Variants in TBC1D19 observed in about 807,000 individuals in gnomAD.
TBC1D19 encodes TBC1 domain family member 19, also known as TBC1 domain family, member 19.
A neutral mutation model predicts 89.0 loss-of-function variants in TBC1D19; 60 were observed. That is an observed-to-expected ratio of 0.67 (90% CI 0.55 to 0.84). The LOEUF (loss-of-function observed/expected upper bound fraction) is 0.84, where lower values mean the gene tolerates loss of function less well. Among genes scored for constraint, TBC1D19 ranks in the 40% least tolerant of loss-of-function variants. TBC1D19 has a pLI of 0.00. For missense variants in TBC1D19, 500 were observed against 610.8 expected, an observed-to-expected ratio of 0.82 and a Z score of 1.91; for synonymous variants, 189 against 199.7, an observed-to-expected ratio of 0.95 and a Z score of 0.45.
the TBC1D19 span, among the ~76,000 whole-genome samples, chr4:26,850,969 T>C: frequency 1.3e-5 from 2 of 152,154 alleles, no homozygotes; most frequent in Non-Finnish European, 2.9e-5. Flanking sequence ...ACCATCCAAT[T>C]GCTTAGGGGC....
In TBC1D19 at chr4:26,594,786, C is replaced by T. The variant is rs369991607; in HGVS notation, c.99+10494C>T. On this transcript the variant is annotated intron_variant, in intron 1 of 20. Coordinates refer to ENST00000264866, the MANE Select transcript of TBC1D19 (RefSeq NM_018317.4). ...GGTGCACCTAAATAATAAATATCCT[C>T]CTCAACCCCTCGGTCTCTCTGATTC... 3.0e-4 allele frequency among the ~76,000 whole-genome samples: 46 copies of T among 152,290 alleles called. No individual in the cohort carries two copies. In the East Asian group the frequency reaches 7.9e-3, roughly 26 times the overall value.
chr4:26,703,061 T>C (rs777730909), intron 13 of TBC1D19, among the ~76,000 whole-genome samples: 5 of 152,226 alleles, frequency 3.3e-5, no homozygotes, highest in Non-Finnish European at 7.3e-5. Flanking sequence ...AATATTCCAT[T>C]GTATTGTATA....
chr4:26,610,369 C>T (rs1054387050), intron 1 of TBC1D19, among the ~76,000 whole-genome samples: 19 of 151,504 alleles, frequency 1.3e-4, no homozygotes, highest in Admixed American at 5.3e-4. Flanking sequence ...CAAACCCCTC[C>T]GTTTCTGATA....
chr4:26,688,150 A>C (rs1713979493), intron 12 of TBC1D19, among the ~76,000 whole-genome samples, 195 bp from the exon 13 acceptor site: 1 of 152,190 alleles, frequency 6.6e-6, no homozygotes, highest in Non-Finnish European at 1.5e-5. Flanking sequence ...AAAAAGTATG[A>C]GGAATTCGAG....
At chr4:26,801,096 G>C in the TBC1D19 span, among the ~76,000 whole-genome samples, 1 of 152,170 alleles carries the variant, frequency 6.6e-6, no homozygotes, top group Non-Finnish European at 1.5e-5. Flanking sequence ...CCTATGTCCT[G>C]AATGGCATTG....
chr4:26,754,856 T>C lies in TBC1D19; in HGVS notation c.1507-17T>C. 2 of 1,576,408 alleles carry C rather than the reference T, an allele frequency of 1.3e-6. No individual in the cohort carries two copies. The highest frequency in any genetic ancestry group is 1.7e-6 in the Non-Finnish European group (2 of 1,167,106). ...CTTCGCTTTGCTATTAATAATTCTT[T>C]TTATTTTTTGTTTCAGGCAGTTCTT... On this transcript the variant is annotated splice_polypyrimidine_tract_variant and intron_variant, in intron 20 of 20. Transcript: ENST00000264866.
the TBC1D19 span, among the ~76,000 whole-genome samples, chr4:26,845,723 C>A: frequency 6.6e-6 from 1 of 152,216 alleles, no homozygotes; most frequent in East Asian, 1.9e-4. Context: ...GCCTCACAAT[C>A]ATGGCAGAAG....
At chr4:26,641,290 G>A (rs575498806) in intron 7 of TBC1D19, among the ~76,000 whole-genome samples, 82 of 152,344 alleles carry the variant, frequency 5.4e-4, no homozygotes, top group Non-Finnish European at 7.6e-4. Flanking sequence ...AACAGCATCT[G>A]GAGTGGACCT....
chr4:26,665,976 G>A (rs976994499), intron 8 of TBC1D19, among the ~76,000 whole-genome samples: 1 of 151,816 alleles, frequency 6.6e-6, no homozygotes, highest in African/African-American at 2.4e-5. Flanking sequence ...GGAAAAATTA[G>A]GAGAAAGAAA....
intron 4 of TBC1D19, among the ~76,000 whole-genome samples, chr4:26,629,737 A>G (rs1742680314): frequency 6.6e-6 from 1 of 152,184 alleles, no homozygotes; most frequent in Non-Finnish European, 1.5e-5. Context: ...ATAGGCATCA[A>G]AAATGTCCAT....
At chr4:26,838,211 T>A in the TBC1D19 span, among the ~76,000 whole-genome samples, 1 of 152,152 alleles carries the variant, frequency 6.6e-6, no homozygotes, top group Non-Finnish European at 1.5e-5. Context: ...ACCACCTGCA[T>A]CTGAGTGTAG....
chr4:26,712,637 A>G (rs565532454), intron 13 of TBC1D19, among the ~76,000 whole-genome samples: 1 of 152,272 alleles, frequency 6.6e-6, no homozygotes, highest in East Asian at 1.9e-4. Context: ...TAGGTAATTT[A>G]TAAAGAAAAG....
chr4:26,780,945 C>T, the TBC1D19 span, among the ~76,000 whole-genome samples: 1 of 152,182 alleles, frequency 6.6e-6, no homozygotes, highest in East Asian at 1.9e-4. Flanking sequence ...CACAGGCCCT[C>T]CGGCAGCCTT....
At chr4:26,647,120 G>T (rs371534780) in intron 7 of TBC1D19, among the ~76,000 whole-genome samples, 163 of 152,212 alleles carry the variant, frequency 1.1e-3, no homozygotes, top group African/African-American at 3.6e-3. Flanking sequence ...ATTTGAAAGA[G>T]ATTTTAAGGA....
chr4:26,797,115 T>C, the TBC1D19 span, among the ~76,000 whole-genome samples: 1 of 152,186 alleles, frequency 6.6e-6, no homozygotes, highest in Admixed American at 6.5e-5. Context: ...GATGACATGA[T>C]TGTATACCTA....
chr4:26,813,894 T>G, the TBC1D19 span, among the ~76,000 whole-genome samples: 47 of 152,174 alleles, frequency 3.1e-4, no homozygotes, highest in African/African-American at 1.1e-3. Flanking sequence ...CTGGGGTGTT[T>G]CCTCCCCACT....
chr4:26,766,786 A>G, the TBC1D19 span, among the ~76,000 whole-genome samples: 10 of 152,288 alleles, frequency 6.6e-5, no homozygotes, highest in African/African-American at 2.4e-4. Flanking sequence ...TGATTTCTTC[A>G]TCTACAAAAT....
At chr4:26,789,847 T>C in the TBC1D19 span, among the ~76,000 whole-genome samples, 1 of 152,204 alleles carries the variant, frequency 6.6e-6, no homozygotes, top group African/African-American at 2.4e-5. Flanking sequence ...CATGGAATAC[T>C]ATGCAGCCAT....
At chr4:26,586,051 T>G (rs1351901243) in intron 1 of TBC1D19, among the ~76,000 whole-genome samples, 1 of 152,136 alleles carries the variant, frequency 6.6e-6, no homozygotes, top group Admixed American at 6.5e-5. Context: ...CTACTATGTT[T>G]GTTTGTTCTA....
Sources: gnomAD v4.1 joint callset for allele counts (sites outside exome capture counted in the v4.1 genomes callset) on GRCh38, gnomAD v4.1.1 for gene constraint, MANE v1.5 for transcripts, NCBI Gene and HGNC (gene_info 2026-07-23, HGNC 2026-07-21) for gene names.